The following PRKN variants were observed in gnomAD, a reference collection of about 807,000 sequenced individuals.
The protein encoded by PRKN is parkin RBR E3 ubiquitin protein ligase, also known as E3 ubiquitin-protein ligase parkin.
In PRKN, 56 loss-of-function variants were observed where a neutral mutation model predicts 59.5. The ratio of observed to expected loss-of-function variants is 0.94; its 90% CI spans 0.76 to 1.18. The LOEUF (loss-of-function observed/expected upper bound fraction) is 1.18. Ranked by LOEUF, PRKN falls within the 50% of genes most tolerant of loss-of-function variation. PRKN has a pLI of 0.00. For synonymous variants in PRKN, 250 were observed against 222.1 expected, an observed-to-expected ratio of 1.13 and a Z score of -1.12; for missense variants, 657 against 596.4, an observed-to-expected ratio of 1.10 and a Z score of -1.06.
chr6:162,661,931 T>G (rs1193371486), intron 1 of PRKN, among the ~76,000 whole-genome samples: 2 of 152,166 alleles, frequency 1.3e-5, no homozygotes, highest in Non-Finnish European at 2.9e-5. Flanking sequence ...ACTTGAACAG[T>G]GACCACTGTA....
intron 4 of PRKN, among the ~76,000 whole-genome samples, chr6:162,083,319 T>C (rs1254378412): frequency 1.3e-5 from 2 of 152,108 alleles, no homozygotes; most frequent in Non-Finnish European, 2.9e-5. Flanking sequence ...TTCCAAAATG[T>C]GATACTGAGA....
chr6:162,653,453 A>G lies in PRKN; in HGVS notation c.7+74209T>C, dbSNP rs1002962424. Among the ~76,000 whole-genome samples, 8 of 152,320 alleles carry G rather than the reference A, an allele frequency of 5.3e-5. No homozygotes were observed. The South Asian group carries it at 1.4e-3, about 28-fold the overall frequency. On this transcript the variant is annotated intron_variant, in intron 1 of 11. Coordinates refer to ENST00000366898, the MANE Select transcript of PRKN (RefSeq NM_004562.3). ...CATAATTTAATAGGATGTTGCAAAT[A>G]ATCTTCTCATAGAAAATCTTAGAAA...
At chr6:162,077,184 A>C (rs1280023759) in intron 4 of PRKN, among the ~76,000 whole-genome samples, 1 of 152,104 alleles carries the variant, frequency 6.6e-6, no homozygotes, top group Non-Finnish European at 1.5e-5. Context: ...AGTTCATTGA[A>C]AATTGTTCAA....
chr6:161,857,184 G>A (rs1793692129), intron 6 of PRKN, among the ~76,000 whole-genome samples: 1 of 152,138 alleles, frequency 6.6e-6, no homozygotes, highest in Admixed American at 6.6e-5. Flanking sequence ...AGCCAAGATC[G>A]AACCACGGAA....
At chr6:162,631,392 G>A (rs571748192) in intron 1 of PRKN, among the ~76,000 whole-genome samples, 5 of 152,204 alleles carry the variant, frequency 3.3e-5, no homozygotes, top group South Asian at 4.1e-4. Flanking sequence ...CTAACTCTGC[G>A]TTCTGCCTGG....
At chr6:162,317,584 A>C (rs1328630429) in intron 2 of PRKN, among the ~76,000 whole-genome samples, 2 of 152,102 alleles carry the variant, frequency 1.3e-5, no homozygotes, top group Non-Finnish European at 1.5e-5. Flanking sequence ...TCTTGGGAAC[A>C]GATGTATCAG....
In PRKN at chr6:161,527,244, C is replaced by T. The variant is rs528962575; in HGVS notation, c.1083+21610G>A. Among the ~76,000 whole-genome samples the T allele has an allele frequency of 2.0e-5, 3 of 152,180 alleles. No homozygotes were observed. Among genetic ancestry groups the T allele is most frequent in the Non-Finnish European group, 4.4e-5 (3 of 68,046 alleles). On this transcript the variant is annotated intron_variant, in intron 9 of 11. Transcript: ENST00000366898. The surrounding 1 kb of genome is among the most constrained non-coding windows in gnomAD (Gnocchi z 4.6). ...GTCTGCAACTTCTCAGAATAACCAG[C>T]TCAAAATATGCCAAAGAAGTACATT...
intron 7 of PRKN, among the ~76,000 whole-genome samples, chr6:161,725,566 G>T (rs1265547740): frequency 6.6e-6 from 1 of 152,178 alleles, no homozygotes; most frequent in Non-Finnish European, 1.5e-5. Context: ...TATTCACAAA[G>T]CATCCCTTCT....
At chr6:161,632,502 T>C (rs1377665902) in intron 7 of PRKN, among the ~76,000 whole-genome samples, 1 of 152,212 alleles carries the variant, frequency 6.6e-6, no homozygotes, top group African/African-American at 2.4e-5. Flanking sequence ...TAGAAAAAAG[T>C]AGTTTCACTT....
In PRKN at chr6:161,566,662, C is replaced by T. The variant is rs1052655634; in HGVS notation, c.933+2693G>A. 6.6e-6 allele frequency among the ~76,000 whole-genome samples: 1 copy of T among 152,170 alleles called. No individual in the cohort carries two copies. The highest frequency in any genetic ancestry group is 2.4e-5 in the African/African-American group (1 of 41,440). ...CCTCAGGTGATCCATTCGCCTTAGC[C>T]TCCCAAAGATGTGGGATTACAGGTG... On this transcript the variant is annotated intron_variant, in intron 8 of 11. Coordinates refer to ENST00000366898, the MANE Select transcript of PRKN (RefSeq NM_004562.3). The surrounding 1 kb of genome is among the most constrained non-coding windows in gnomAD (Gnocchi z 4.1).
intron 1 of PRKN, among the ~76,000 whole-genome samples, chr6:162,598,907 G>C (rs767093945): frequency 3.3e-4 from 48 of 144,666 alleles, no homozygotes; most frequent in Non-Finnish European, 6.7e-4. Flanking sequence ...AATATTAAAT[G>C]ATTAAATGCA....
chr6:161,631,306 G>A (rs567430610), intron 7 of PRKN, among the ~76,000 whole-genome samples: 39 of 152,326 alleles, frequency 2.6e-4, no homozygotes, highest in Non-Finnish European at 4.9e-4. Context: ...TTTAACATCT[G>A]CAAAGCACTA....
intron 4 of PRKN, among the ~76,000 whole-genome samples, chr6:162,116,299 G>A (rs1174506017): frequency 6.6e-6 from 1 of 152,158 alleles, no homozygotes; most frequent in African/African-American, 2.4e-5. Context: ...AAGTCAACAA[G>A]CAATCCATTG....
At chr6:161,847,420 G>T (rs2128221761) in intron 6 of PRKN, among the ~76,000 whole-genome samples, 1 of 152,254 alleles carries the variant, frequency 6.6e-6, no homozygotes, top group South Asian at 2.1e-4. Flanking sequence ...ATGCAACTTT[G>T]TCCTGCCTTG....
At chr6:161,814,663 C>A (rs1424987970) in intron 6 of PRKN, among the ~76,000 whole-genome samples, 2 of 152,134 alleles carry the variant, frequency 1.3e-5, no homozygotes, top group Non-Finnish European at 2.9e-5. Context: ...CCACCACGCC[C>A]AGCTAATTTT....
chr6:162,030,945 C>G (rs1001668564), intron 5 of PRKN, among the ~76,000 whole-genome samples: 1 of 151,892 alleles, frequency 6.6e-6, no homozygotes, highest in East Asian at 1.9e-4. Context: ...GGAGGAGCCA[C>G]GAAAGGAGTA....
chr6:161,799,855 G>A (rs552648584), intron 6 of PRKN, among the ~76,000 whole-genome samples: 1 of 152,326 alleles, frequency 6.6e-6, no homozygotes, highest in South Asian at 2.1e-4. Flanking sequence ...GGCGTAAGAG[G>A]GTTTGCAGGG....
In PRKN at chr6:161,767,695, T is replaced by A. The variant is rs1196334088; in HGVS notation, c.871+18077A>T. Among the ~76,000 whole-genome samples the A allele has an allele frequency of 2.0e-5, 3 of 151,204 alleles. No individual in the cohort carries two copies. The South Asian group carries it at 6.2e-4, about 31-fold the overall frequency. On this transcript the variant is annotated intron_variant, in intron 7 of 11. Transcript: ENST00000366898. The stretch of plus-strand genomic sequence containing the variant: ...GAAGTCACTCTCAACTGAGGCTGTT[T>A]AGGTATTTGTAACTATGTTACCTTA...
At chr6:161,700,488 G>A (rs1320290656) in intron 7 of PRKN, among the ~76,000 whole-genome samples, 2 of 152,114 alleles carry the variant, frequency 1.3e-5, no homozygotes, top group Non-Finnish European at 2.9e-5. Context: ...AGGGCACAGG[G>A]TCACCTCAAT....
Sources: allele counts gnomAD v4.1 joint callset (sites outside exome capture counted in the v4.1 genomes callset), GRCh38; gene constraint gnomAD v4.1.1; non-coding constraint Gnocchi (gnomAD v3.1); transcripts MANE v1.5; gene names NCBI Gene and HGNC (gene_info 2026-07-23, HGNC 2026-07-21).